The following NAT10 variants were observed in gnomAD, a reference collection of about 807,000 sequenced individuals.
NAT10 encodes RNA cytidine acetyltransferase.
NAT10 carries 109 observed loss-of-function variants against 132.2 expected under a neutral mutation model. The observed-to-expected ratio is 0.82, with a 90% confidence interval of 0.71 to 0.97. The LOEUF is 0.97. NAT10 is among the 50% of genes least tolerant of loss of function. The pLI is 0.00. For synonymous variants in NAT10, 479 were observed against 478.0 expected (o/e 1.00, Z -0.03); for missense variants, 1,184 against 1,263.4 (o/e 0.94, Z 0.95).
intron 11 of NAT10, among the ~76,000 whole-genome samples, chr11:34,126,110 CA>C (rs1427163261): frequency 4.6e-5 from 7 of 152,224 alleles, no homozygotes; most frequent in African/African-American, 1.7e-4. Context: ...ATATAACATT[CA>C]GGCACCCAAC....
Position 34,112,034 on chromosome 11 carries a change from G to A in NAT10, c.201-18G>A. The A allele has an allele frequency of 1.2e-6, 2 of 1,613,796 alleles. No individual in the cohort carries two copies. The highest frequency in any genetic ancestry group is 1.7e-6 in the Non-Finnish European group (2 of 1,179,778). ...CTGGTTAACTGGCTCTCATGGGATT[G>A]GGGGTGTGTGATTGCAGTCACCGGA... On this transcript the variant is annotated intron_variant, in intron 3 of 28. Transcript: ENST00000257829.
intron 12 of NAT10, 32 bp downstream of exon 12, chr11:34,127,631 C>G (rs370364577): frequency 1.3e-6 from 2 of 1,580,820 alleles, no homozygotes; most frequent in Admixed American, 3.4e-5. Flanking sequence ...TCCTTACTCC[C>G]GTGGCAGGCT....
intron 3 of NAT10, among the ~76,000 whole-genome samples, chr11:34,110,747 A>G (rs573250223): frequency 2.0e-5 from 3 of 152,120 alleles, no homozygotes; most frequent in African/African-American, 7.2e-5. Flanking sequence ...AATTAGTACC[A>G]GAGGCTAAAC....
chr11:34,131,028 A>C (rs1389144512), intron 13 of NAT10, 91 bp downstream of exon 13: 2 of 1,534,812 alleles, frequency 1.3e-6, no homozygotes, highest in Non-Finnish European at 1.8e-6. Context: ...CATGGGAAGC[A>C]CCAAACCTTC....
Position 34,108,271 on chromosome 11 carries a change from A to G in NAT10, c.46A>G (p.Asn16Asp). The G allele has an allele frequency of 1.2e-6, 2 of 1,614,172 alleles. No homozygotes were observed. The highest frequency in any genetic ancestry group is 1.1e-5 in the South Asian group (1 of 91,088). The change falls in exon 2 of 29, where the codon AAT becomes GAT. Residue 16 changes from asparagine to aspartate, a missense_variant. Transcript: ENST00000257829. ...TAACCGAATCCGGATTCTCATTGAGAATGGAGTAGCTGAGCGGCAAAGATC... is the reference window on the plus strand; with the variant it reads ...TAACCGAATCCGGATTCTCATTGAGGATGGAGTAGCTGAGCGGCAAAGATC... ...VDNRIRILIE[N>D]GVAERQRSLF...
chr11:34,140,496 T>A lies in NAT10; in HGVS notation c.2516T>A (p.Met839Lys). The part of the protein sequence containing the change: ...SRNMVDYHLI[M>K]DMIPAISRIY... ...AATATGGTGGACTATCACCTCATCA[T>A]GGACATGATCCCGGCCATCTCTCGC... Residue 839 changes from methionine to lysine, a missense_variant, in exon 24 of 29, where the codon ATG becomes AAG. Met to Lys is a moderately conservative substitution (Grantham distance 95). Coordinates refer to ENST00000257829, the MANE Select transcript of NAT10 (RefSeq NM_024662.3). The A allele has an allele frequency of 6.2e-7, 1 of 1,614,218 alleles. No homozygotes were observed. Among genetic ancestry groups the A allele is most frequent in the Admixed American group, 1.7e-5 (1 of 60,022 alleles).
chr11:34,134,618 G>T, intron 18 of NAT10, 32 bp downstream of exon 18: 1 of 1,608,812 alleles, frequency 6.2e-7, no homozygotes, highest in Non-Finnish European at 8.5e-7. Flanking sequence ...CTGAAGCCGT[G>T]TTGCTGGCGG....
rs72910804 is a variant in NAT10, at chr11:34,143,532, A to G, written c.2969+4A>G. 0.024 allele frequency: 38,312 copies of G among 1,613,132 alleles called. 539 individuals carry two copies. Among genetic ancestry groups the G allele is most frequent in the Non-Finnish European group, 0.028 (32,653 of 1,179,482 alleles). ...CCTCGATCATCAGCCTGAAAAGGTGAGGGCCCAGGGTCTGATGTGCATCTG... is the reference window on the plus strand; with the variant it reads ...CCTCGATCATCAGCCTGAAAAGGTGGGGGCCCAGGGTCTGATGTGCATCTG... On this transcript the variant is annotated splice_donor_region_variant and intron_variant, in intron 28 of 28. Coordinates refer to ENST00000257829, the MANE Select transcript of NAT10 (RefSeq NM_024662.3).
chr11:34,115,911 G>A lies in NAT10; in HGVS notation c.557+27G>A, dbSNP rs373622052. 14 of 1,611,190 alleles carry A rather than the reference G, an allele frequency of 8.7e-6. No homozygotes were observed. In the African/African-American group the frequency reaches 1.3e-4, roughly 15 times the overall value. ...TAATTCTATAGTTCCCCCCAATTGT[G>A]GGGCAGCCACATTGGGAGGGACATT... On this transcript the variant is annotated intron_variant, in intron 6 of 28. Transcript: ENST00000257829.
chr11:34,139,221 A>G lies in NAT10; in HGVS notation c.2242A>G (p.Met748Val), dbSNP rs1852275724. 1.9e-6 allele frequency: 3 copies of G among 1,614,134 alleles called. No homozygotes were observed. Among genetic ancestry groups the G allele is most frequent in the Non-Finnish European group, 2.5e-6 (3 of 1,180,018 alleles). The change falls in exon 22 of 29, where the codon ATG (methionine) becomes GTG (valine). Residue 748 changes from methionine to valine, a missense_variant. Coordinates refer to ENST00000257829, the MANE Select transcript of NAT10 (RefSeq NM_024662.3). ...CCTGACCGGAGAGCACTCGTGCATCATGCTGAAGACGCTCACTGATGAGGA... is the reference window on the plus strand; with the variant it reads ...CCTGACCGGAGAGCACTCGTGCATCGTGCTGAAGACGCTCACTGATGAGGA... ...NDLTGEHSCI[M>V]LKTLTDEDEA...
Position 34,141,185 on chromosome 11 carries a change from C to G in NAT10, c.2689C>G (p.Arg897Gly). The G allele has an allele frequency of 1.2e-6, 2 of 1,613,924 alleles. No homozygotes were observed. The highest frequency in any genetic ancestry group is 1.7e-6 in the Non-Finnish European group (2 of 1,179,994). The change falls in exon 25 of 29, where the codon CGG becomes GGG. Residue 897 changes from arginine to glycine, a missense_variant. Arg to Gly is a moderately radical substitution (Grantham distance 125). Transcript: ENST00000257829. ...GGGCCAGTTGATGGGACTTTTCAACCGGATCATCCGCAAAGTTGTGAAGGT... is the reference window on the plus strand; with the variant it reads ...GGGCCAGTTGATGGGACTTTTCAACGGGATCATCCGCAAAGTTGTGAAGGT... ...PSGQLMGLFN[R>G]IIRKVVKLFN...
chr11:34,130,708 A>T, intron 12 of NAT10, 105 bp from the exon 13 acceptor site: 1 of 1,386,350 alleles, frequency 7.2e-7, no homozygotes, highest in Non-Finnish European at 1.0e-6. Flanking sequence ...TCCTGGGGGA[A>T]GCAGGGGTCT....
At chr11:34,112,804 T>C (rs1851718252) in intron 4 of NAT10, among the ~76,000 whole-genome samples, 1 of 152,260 alleles carries the variant, frequency 6.6e-6, no homozygotes, top group Non-Finnish European at 1.5e-5. Context: ...TGTGTGTGCA[T>C]GTGTGTGTAA....
intron 12 of NAT10, among the ~76,000 whole-genome samples, chr11:34,129,727 G>C (rs1432400426): frequency 6.8e-6 from 1 of 147,646 alleles, no homozygotes; most frequent in Non-Finnish European, 1.5e-5. Flanking sequence ...TCCTGCCTCA[G>C]CCTCTTGAGT....
intron 8 of NAT10, among the ~76,000 whole-genome samples, chr11:34,119,951 T>C (rs1851859148): frequency 6.6e-6 from 1 of 152,222 alleles, no homozygotes; most frequent in Non-Finnish European, 1.5e-5. Flanking sequence ...AACTATCCAG[T>C]GTGTGGAAAT....
At chr11:34,143,373 CTG>C in intron 27 of NAT10, 70 bp from the exon 28 acceptor site, 1 of 1,304,434 alleles carries the variant, frequency 7.7e-7, no homozygotes, top group Non-Finnish European at 1.1e-6. Context: ...AATGTTGTCA[CTG>C]TCGTTATTTT....
At chr11:34,113,937 G>A in intron 5 of NAT10, 99 bp downstream of exon 5, 2 of 1,449,164 alleles carry the variant, frequency 1.4e-6, no homozygotes, top group Non-Finnish European at 1.9e-6. Flanking sequence ...CAGCTCCAGT[G>A]AGTAGTCAGC....
At chr11:34,112,406 A>G (rs1851711847) in intron 4 of NAT10, among the ~76,000 whole-genome samples, 183 bp downstream of exon 4, 1 of 152,234 alleles carries the variant, frequency 6.6e-6, no homozygotes, top group African/African-American at 2.4e-5. Flanking sequence ...TACCCCATAT[A>G]AAAAGAGAAT....
At position 34,108,765 on chromosome 11, in the gene NAT10, A is replaced by G; in HGVS notation, c.132A>G (p.Leu44=). ...AGGTGGTAATACTTCATCACATGTT[A>G]TCCAAAGCAACTGTGAAGGCTCGGC... ...KDQVVILHHM[L]SKATVKARPS... The change falls in exon 3 of 29, where the codon TTA becomes TTG. Residue 44 remains leucine (L), a synonymous_variant. Coordinates refer to ENST00000257829, the MANE Select transcript of NAT10 (RefSeq NM_024662.3). 1 of 1,613,436 alleles carries G rather than the reference A, an allele frequency of 6.2e-7. No homozygotes were observed. Among genetic ancestry groups the G allele is most frequent in the Non-Finnish European group, 8.5e-7 (1 of 1,179,824 alleles).
Sources: allele counts gnomAD v4.1 joint callset (sites outside exome capture counted in the v4.1 genomes callset), GRCh38; gene constraint gnomAD v4.1.1; transcripts MANE v1.5; gene names NCBI Gene and HGNC (gene_info 2026-07-23, HGNC 2026-07-21).